CREBBP: variants seen among roughly 807,000 people sequenced by gnomAD.
CREBBP encodes the protein CREB-binding protein.
A neutral mutation model predicts 265.0 loss-of-function variants in CREBBP; 19 were observed. The ratio of observed to expected loss-of-function variants is 0.07; its 90% CI spans 0.05 to 0.11. The LOEUF is 0.11. Among genes scored for constraint, CREBBP ranks in the 10% least tolerant of loss-of-function variants. The pLI is 1.00. For synonymous variants in CREBBP, 1,457 were observed against 1,223.7 expected (o/e 1.19, Z -3.98); for missense variants, 2,525 against 3,219.0 (o/e 0.78, Z 5.22).
intron 2 of CREBBP, among the ~76,000 whole-genome samples, chr16:3,826,887 C>T (rs1053160321): frequency 6.6e-6 from 1 of 152,146 alleles, no homozygotes; most frequent in Non-Finnish European, 1.5e-5. Context: ...ATGACAAACA[C>T]AACACAGGAA....
At chr16:3,744,348 G>C (rs1347391849) in intron 23 of CREBBP, among the ~76,000 whole-genome samples, 2 of 152,234 alleles carry the variant, frequency 1.3e-5, no homozygotes, top group African/African-American at 4.8e-5. Context: ...CACCACACAT[G>C]CACGCACGAG....
intron 24 of CREBBP, 84 bp from the exon 25 acceptor site, chr16:3,739,808 T>G: frequency 6.3e-7 from 1 of 1,586,972 alleles, no homozygotes; most frequent in South Asian, 1.1e-5. Context: ...CCTCTAACTC[T>G]GGCCACTGCA....
At chr16:3,765,814 A>AT (rs1028399292) in intron 16 of CREBBP, among the ~76,000 whole-genome samples, 25 of 151,348 alleles carry the variant, frequency 1.7e-4, no homozygotes, top group African/African-American at 4.6e-4. Flanking sequence ...TACCCAGCTA[A>AT]TTTTTTTTTA....
At position 3,862,367 on chromosome 16, in the gene CREBBP, C is replaced by T. The variant is rs572852721; in HGVS notation, c.86-11358G>A. 2.0e-5 allele frequency among the ~76,000 whole-genome samples: 3 copies of T among 152,172 alleles called. No individual in the cohort carries two copies. The South Asian group carries it at 6.2e-4, about 32-fold the overall frequency. ...GATGGCAGGAGCCCCAGGGTAGGTACAAGTTCCATACGGTGGGAAGGGCCT... is the reference window on the plus strand; with the variant it reads ...GATGGCAGGAGCCCCAGGGTAGGTATAAGTTCCATACGGTGGGAAGGGCCT... On this transcript the variant is annotated intron_variant, in intron 1 of 30. Coordinates refer to ENST00000262367, the MANE Select transcript of CREBBP (RefSeq NM_004380.3).
Position 3,726,907 on chromosome 16 carries a change from G to C in CREBBP, c.*811C>G, listed in dbSNP as rs2051760593. On this transcript the variant is annotated 3_prime_UTR_variant, in exon 31 of 31. Coordinates refer to ENST00000262367, the MANE Select transcript of CREBBP (RefSeq NM_004380.3). ...CTATACAGTGATTGAATCTTCTCGA[G>C]TTTCGTATTTATAGGAATTAGAGCG... The C allele has an allele frequency of 4.3e-6, 1 of 233,424 alleles. No individual in the cohort carries two copies. The highest frequency in any genetic ancestry group is 2.2e-5 in the African/African-American group (1 of 45,306). The allele number at this position is 233,424 out of a possible 1,614,324, so 14.5% of individuals were successfully genotyped here.
Position 3,728,928 on chromosome 16 carries a change from A to T in CREBBP, c.6119T>A (p.Ile2040Lys), listed in dbSNP as rs766580125. The change falls in exon 31 of 31, where the codon ATA (isoleucine) becomes AAA (lysine). Residue 2040 changes from isoleucine to lysine, a missense_variant. By Grantham distance (102) the Ile-to-Lys change is moderately radical (BLOSUM62 -3). Around this residue, in one of 19 missense-constraint regions of CREBBP, gnomAD observed 275 missense variants for 276.5 expected, o/e 0.99. Transcript: ENST00000262367. This position sits in a 1 kb window ranked among gnomAD's most constrained non-coding sequence, Gnocchi z 8.7. ...CACGGCCGCCTGGGCCTGCATGGATATCACAGGCCTGGGCAAGCCTGGCAT... is the reference window on the plus strand; with the variant it reads ...CACGGCCGCCTGGGCCTGCATGGATTTCACAGGCCTGGGCAAGCCTGGCAT... ...QPMPGLPRPV[I>K]SMQAQAAVAG... The T allele has an allele frequency of 6.2e-7, 1 of 1,604,550 alleles. No homozygotes were observed. The highest frequency in any genetic ancestry group is 1.1e-5 in the South Asian group (1 of 90,906).
intron 2 of CREBBP, among the ~76,000 whole-genome samples, chr16:3,842,638 C>T (rs2054586090): frequency 6.6e-6 from 1 of 151,950 alleles, no homozygotes; most frequent in East Asian, 1.9e-4. Context: ...TCATGTTTTT[C>T]CTACTGTAAA....
At chr16:3,784,856 T>A (rs2141258765) in intron 5 of CREBBP, among the ~76,000 whole-genome samples, 1 of 152,346 alleles carries the variant, frequency 6.6e-6, no homozygotes, top group South Asian at 2.1e-4. Flanking sequence ...CACATAGGCC[T>A]CCCACGGAAG....
chr16:3,763,266 C>CTA (rs1567292256), intron 16 of CREBBP, among the ~76,000 whole-genome samples: 1 of 152,016 alleles, frequency 6.6e-6, no homozygotes, highest in Admixed American at 6.6e-5. Flanking sequence ...AGCAACCCTC[C>CTA]TAATTCAGCC....
In CREBBP at chr16:3,727,575, G is replaced by A. The variant is rs1596779715; in HGVS notation, c.*143C>T. On this transcript the variant is annotated 3_prime_UTR_variant, in exon 31 of 31. Transcript: ENST00000262367. ...TTTTTAACAAAAAAATATATTCTTT[G>A]TATTGTTTCTTTAAACATCAATCCA... The A allele has an allele frequency of 2.4e-6, 3 of 1,245,860 alleles. No individual in the cohort carries two copies. The highest frequency in any genetic ancestry group is 3.2e-5 in the East Asian group (1 of 31,452). 77.2% of individuals were successfully genotyped at this position (1,245,860 alleles called of 1,614,324 possible).
intron 2 of CREBBP, among the ~76,000 whole-genome samples, chr16:3,826,000 T>C (rs117620028): frequency 0.034 from 5,220 of 152,312 alleles, 117 homozygotes; most frequent in Admixed American, 0.062. Flanking sequence ...GGCAGGTGGA[T>C]TGCTTGAGCT....
chr16:3,803,142 T>A (rs1306406528), intron 3 of CREBBP, among the ~76,000 whole-genome samples: 13 of 152,048 alleles, frequency 8.5e-5, no homozygotes. Context: ...TTCTTCTTTT[T>A]GCTTTGTGTT....
chr16:3,814,112 T>C (rs1056321870), intron 2 of CREBBP, among the ~76,000 whole-genome samples: 1 of 152,126 alleles, frequency 6.6e-6, no homozygotes, highest in Non-Finnish European at 1.5e-5. Context: ...TGTGATCAGA[T>C]GGGTAATACT....
At chr16:3,763,518 T>C (rs1018296017) in intron 16 of CREBBP, among the ~76,000 whole-genome samples, 3 of 152,162 alleles carry the variant, frequency 2.0e-5, no homozygotes, top group Admixed American at 2.0e-4. Context: ...TGGAGTGCAA[T>C]GGCACGATCT....
chr16:3,728,326 G>A lies in CREBBP; in HGVS notation c.6721C>T (p.Pro2241Ser), dbSNP rs1179950806. 4.3e-6 allele frequency: 7 copies of A among 1,612,576 alleles called. No individual in the cohort carries two copies. Among genetic ancestry groups the A allele is most frequent in the African/African-American group, 1.3e-5 (1 of 74,978 alleles). The change falls in exon 31 of 31, where the codon CCA (proline) becomes TCA (serine). Residue 2241 changes from proline to serine, a missense_variant. Pro to Ser is a moderately conservative substitution (Grantham distance 74). Transcript: ENST00000262367. The surrounding 1 kb of genome is among the most constrained non-coding windows in gnomAD (Gnocchi z 8.7). ...FQQPQGPGGY[P>S]PAMQQQQRMQ... ...CGCTGCTGCTGCTGCATGGCCGGTG[G>A]GTAGCCTCCGGGTCCTTGAGGCTGC... is the stretch of plus-strand genomic sequence containing the variant.
chr16:3,874,112 A>C (rs1326919465), intron 1 of CREBBP, among the ~76,000 whole-genome samples: 2 of 152,208 alleles, frequency 1.3e-5, no homozygotes, highest in Non-Finnish European at 2.9e-5. Context: ...GGGGTCAACA[A>C]AAAGCAAAAG....
At chr16:3,831,770 G>A (rs979868443) in intron 2 of CREBBP, among the ~76,000 whole-genome samples, 15 of 152,148 alleles carry the variant, frequency 9.9e-5, no homozygotes, top group African/African-American at 3.1e-4. Flanking sequence ...GCTGAGGCAG[G>A]CGGATCACTT....
intron 1 of CREBBP, among the ~76,000 whole-genome samples, chr16:3,857,741 C>T (rs2054993537): frequency 6.6e-6 from 1 of 152,156 alleles, no homozygotes; most frequent in African/African-American, 2.4e-5. Context: ...CTTCACCAGC[C>T]GATATCAAAT....
At chr16:3,797,589 T>G (rs1443317994) in intron 3 of CREBBP, among the ~76,000 whole-genome samples, 1 of 152,110 alleles carries the variant, frequency 6.6e-6, no homozygotes, top group Non-Finnish European at 1.5e-5. Context: ...AAAAGCTACA[T>G]GAATGTGGTC....
Sources: allele counts gnomAD v4.1 joint callset (sites outside exome capture counted in the v4.1 genomes callset), GRCh38; gene constraint gnomAD v4.1.1; regional missense constraint gnomAD v4.1.1; non-coding constraint Gnocchi (gnomAD v3.1); transcripts MANE v1.5; gene names NCBI Gene and HGNC (gene_info 2026-07-23, HGNC 2026-07-21).